Variants in FHIT observed in about 807,000 individuals in gnomAD.
FHIT encodes fragile histidine triad diadenosine triphosphatase.
FHIT carries 19 observed loss-of-function variants against 17.9 expected under a neutral mutation model. The ratio of observed to expected loss-of-function variants is 1.06; its 90% confidence interval spans 0.74 to 1.56. The LOEUF (loss-of-function observed/expected upper bound fraction) is 1.56. Ranked by LOEUF, FHIT falls within the 40% of genes most tolerant of loss-of-function variation. The pLI, the probability that FHIT is intolerant of heterozygous loss-of-function variation, is 0.00. For missense variants in FHIT, 248 were observed against 189.2 expected (o/e 1.31, Z -1.82); for synonymous variants, 81 against 69.7 (o/e 1.16, Z -0.81).
intron 4 of FHIT, among the ~76,000 whole-genome samples, chr3:60,699,776 C>A (rs1243202744): frequency 2.7e-5 from 4 of 149,930 alleles, no homozygotes; most frequent in African/African-American, 7.5e-5. Flanking sequence ...CACACACATA[C>A]ACACATACAC....
intron 2 of FHIT, among the ~76,000 whole-genome samples, chr3:61,196,565 G>T (rs9879848): frequency 0.24 from 35,935 of 152,070 alleles, 5,440 homozygotes; most frequent in East Asian, 0.71. Context: ...GAGGATGGTG[G>T]AAAAATATAT....
intron 8 of FHIT, among the ~76,000 whole-genome samples, chr3:59,877,593 T>C (rs895057062): frequency 7.2e-5 from 11 of 152,172 alleles, no homozygotes; most frequent in Non-Finnish European, 7.3e-5. Flanking sequence ...ATTTAAGACA[T>C]TGACCATGTT....
chr3:60,203,501 C>T (rs376395318), intron 5 of FHIT, among the ~76,000 whole-genome samples: 2 of 152,130 alleles, frequency 1.3e-5, no homozygotes, highest in African/African-American at 4.8e-5. Flanking sequence ...TAGGTCACAC[C>T]AAGAGTTTTT....
At chr3:60,570,653 G>T (rs1189391507) in intron 4 of FHIT, among the ~76,000 whole-genome samples, 1 of 149,636 alleles carries the variant, frequency 6.7e-6, no homozygotes, top group African/African-American at 2.5e-5. Flanking sequence ...TTATCACCCA[G>T]AGTCATATAC....
chr3:60,951,974 T>A (rs537617468), intron 3 of FHIT, among the ~76,000 whole-genome samples: 1 of 152,252 alleles, frequency 6.6e-6, no homozygotes, highest in East Asian at 1.9e-4. Flanking sequence ...AAGACCAGCC[T>A]GGTTAACATG....
At chr3:61,065,857 A>C (rs1452940562) in intron 2 of FHIT, among the ~76,000 whole-genome samples, 1 of 152,048 alleles carries the variant, frequency 6.6e-6, no homozygotes, top group Non-Finnish European at 1.5e-5. Context: ...AGTTCTACAG[A>C]CCCATTACAG....
intron 8 of FHIT, among the ~76,000 whole-genome samples, chr3:59,755,000 G>C (rs977549358): frequency 2.0e-5 from 3 of 152,022 alleles, no homozygotes; most frequent in Admixed American, 6.6e-5. Flanking sequence ...CCTGGGTTTG[G>C]GGATTTAAAA....
At chr3:59,944,385 T>G (rs1440466297) in intron 7 of FHIT, among the ~76,000 whole-genome samples, 1 of 152,198 alleles carries the variant, frequency 6.6e-6, no homozygotes, top group African/African-American at 2.4e-5. Flanking sequence ...GAGGCACTCC[T>G]GTTCCTTCTC....
intron 4 of FHIT, among the ~76,000 whole-genome samples, chr3:60,775,738 G>C (rs1191396383): frequency 6.6e-6 from 1 of 151,808 alleles, no homozygotes. Context: ...TTCCTTTTTT[G>C]GGATGGACCG....
Position 60,389,956 on chromosome 3 carries a change from T to C in FHIT, c.103+146904A>G, listed in dbSNP as rs374409956. On this transcript the variant is annotated intron_variant, in intron 5 of 9. Transcript: ENST00000492590. Reference sequence around the variant, plus strand: ...CAAGTGTGACGGCTGACCACCCCAATAGTTTGCAAAGCCTTTCATCTGCTC... The same window carrying C: ...CAAGTGTGACGGCTGACCACCCCAACAGTTTGCAAAGCCTTTCATCTGCTC... Among the ~76,000 whole-genome samples the C allele has an allele frequency of 6.6e-5, 10 of 152,268 alleles. 1 individual carries two copies. The highest frequency in any genetic ancestry group is 4.2e-4 in the South Asian group (2 of 4,814).
chr3:59,911,296 C>G (rs1704861645), intron 8 of FHIT, among the ~76,000 whole-genome samples: 1 of 152,158 alleles, frequency 6.6e-6, no homozygotes, highest in Admixed American at 6.5e-5. Flanking sequence ...CACACACACT[C>G]TGATGTAAAC....
At chr3:60,034,472 A>C (rs1434984995) in intron 5 of FHIT, among the ~76,000 whole-genome samples, 1 of 152,194 alleles carries the variant, frequency 6.6e-6, no homozygotes, top group Non-Finnish European at 1.5e-5. Context: ...CCATTTACCC[A>C]CTTTCAAATT....
At chr3:60,209,563 T>C (rs922223344) in intron 5 of FHIT, among the ~76,000 whole-genome samples, 4 of 152,060 alleles carry the variant, frequency 2.6e-5, no homozygotes, top group African/African-American at 9.7e-5. Flanking sequence ...ATAGTAAAAA[T>C]CTCATTCCCT....
At chr3:60,757,355 T>C (rs1699469805) in intron 4 of FHIT, among the ~76,000 whole-genome samples, 1 of 152,178 alleles carries the variant, frequency 6.6e-6, no homozygotes. Context: ...ACAGTTCAGA[T>C]TGAACAAAGC....
chr3:61,100,945 G>C (rs181845753), intron 2 of FHIT, among the ~76,000 whole-genome samples: 1 of 152,144 alleles, frequency 6.6e-6, no homozygotes, highest in African/African-American at 2.4e-5. Flanking sequence ...GTTCTTTGTA[G>C]ATTCTGGATA....
chr3:60,027,130 C>T (rs1324914613), intron 5 of FHIT, among the ~76,000 whole-genome samples: 1 of 125,970 alleles, frequency 7.9e-6, no homozygotes, highest in South Asian at 2.8e-4. Context: ...CACACACACA[C>T]ACACACACAC....
At chr3:60,458,196 A>G (rs1207176428) in intron 5 of FHIT, among the ~76,000 whole-genome samples, 2 of 152,136 alleles carry the variant, frequency 1.3e-5, no homozygotes, top group Non-Finnish European at 2.9e-5. Flanking sequence ...ATGTCCATCA[A>G]TGATAGACTG....
At chr3:60,931,187 G>A (rs1368202238) in intron 3 of FHIT, among the ~76,000 whole-genome samples, 2 of 151,734 alleles carry the variant, frequency 1.3e-5, no homozygotes, top group Admixed American at 6.6e-5. Flanking sequence ...ACACAGGAAG[G>A]GGAACATCAA....
chr3:61,097,496 T>C (rs948619811), intron 2 of FHIT, among the ~76,000 whole-genome samples: 1 of 152,216 alleles, frequency 6.6e-6, no homozygotes, highest in Non-Finnish European at 1.5e-5. Context: ...TGAATGGTAG[T>C]TCTGCTTTTA....
Sources: allele counts gnomAD v4.1 joint callset (sites outside exome capture counted in the v4.1 genomes callset), GRCh38; gene constraint gnomAD v4.1.1; transcripts MANE v1.5; gene names NCBI Gene and HGNC (gene_info 2026-07-23, HGNC 2026-07-21).